MAN2B2: variants seen among roughly 807,000 people sequenced by gnomAD.
The protein encoded by MAN2B2 is mannosidase alpha class 2B member 2, also known as epididymis-specific alpha-mannosidase.
A neutral mutation model predicts 117.1 loss-of-function variants in MAN2B2; 106 were observed. The ratio of observed to expected loss-of-function variants is 0.90; its 90% CI spans 0.77 to 1.06. The LOEUF is 1.06. Among genes scored for constraint, MAN2B2 ranks in the 50% least tolerant of loss-of-function variants. The probability of loss-of-function intolerance (pLI) is 0.00; values close to 1 mark genes in which losing one functional copy is unlikely to be tolerated. For synonymous variants in MAN2B2, 544 were observed against 595.1 expected (o/e 0.91, Z 1.25); for missense variants, 1,326 against 1,381.4 (o/e 0.96, Z 0.64).
chr4:6,584,480 C>T (rs1258019812), intron 3 of MAN2B2, among the ~76,000 whole-genome samples: 1 of 152,200 alleles, frequency 6.6e-6, no homozygotes, highest in African/African-American at 2.4e-5. Context: ...AACAGTGATT[C>T]CTGAATCAGG....
intron 3 of MAN2B2, among the ~76,000 whole-genome samples, chr4:6,578,979 C>CCACCAT (rs1726177348): frequency 6.9e-6 from 1 of 144,700 alleles, no homozygotes; most frequent in South Asian, 2.3e-4. Context: ...ACCACCACCA[C>CCACCAT]GATGACCATC....
rs572374516 is a variant in MAN2B2 at position 6,579,776 on chromosome 4, C to T, written c.391+1278C>T. Among the ~76,000 whole-genome samples the T allele has an allele frequency of 2.0e-5, 3 of 152,340 alleles. No individual in the cohort carries two copies. The South Asian group carries it at 6.2e-4, about 32-fold the overall frequency. ...ATGACCATCTCCCTCACCATTGTGT[C>T]CACTGTCCTCAGCACCATCACCCAC... On this transcript the variant is annotated intron_variant, in intron 3 of 18. Coordinates refer to ENST00000285599, the MANE Select transcript of MAN2B2 (RefSeq NM_015274.3).
chr4:6,594,868 C>T (rs1468847507), intron 7 of MAN2B2, 136 bp downstream of exon 7: 14 of 891,308 alleles, frequency 1.6e-5, no homozygotes, highest in East Asian at 1.3e-4. Context: ...CTGTGTGGGG[C>T]GCAGGGGCAG....
At chr4:6,606,357 G>A (rs1395570796) in intron 11 of MAN2B2, among the ~76,000 whole-genome samples, 2 of 152,248 alleles carry the variant, frequency 1.3e-5, no homozygotes, top group Non-Finnish European at 2.9e-5. Flanking sequence ...AGGGGTGACA[G>A]CAGCCAGCAT....
intron 3 of MAN2B2, among the ~76,000 whole-genome samples, chr4:6,586,275 G>C (rs963865553): frequency 2.0e-5 from 3 of 151,964 alleles, no homozygotes; most frequent in Non-Finnish European, 4.4e-5. Context: ...TGCCCAGGCT[G>C]GTCTCAAACT....
chr4:6,620,454 G>A (rs111321950), intron 18 of MAN2B2: 4,878 of 201,954 alleles, frequency 0.024, 208 homozygotes, highest in African/African-American at 0.1. Flanking sequence ...CTCCCTGTCC[G>A]CACCATGCCC....
rs904592826 is a variant in MAN2B2, at chr4:6,598,446, C to T, written c.1405+92C>T. ...GGGGCTCAACGACCCCAGCTTCAGA[C>T]TCTGAGTCCACATCACCCATATCGC... On this transcript the variant is annotated intron_variant, in intron 9 of 18. Transcript: ENST00000285599. 5.3e-5 allele frequency: 72 copies of T among 1,369,576 alleles called. No individual in the cohort carries two copies. In the African/African-American group the frequency reaches 7.0e-4, roughly 13 times the overall value. The allele number at this position is 1,369,576 out of a possible 1,614,324, so 84.8% of individuals were successfully genotyped here. A position where few individuals can be genotyped will look rare whatever the true frequency, so the allele number is the denominator to read the frequency against.
chr4:6,598,396 G>A (rs1403185812), intron 9 of MAN2B2, 42 bp downstream of exon 9: 25 of 1,588,278 alleles, frequency 1.6e-5, no homozygotes, highest in Non-Finnish European at 2.1e-5. Context: ...CCTTTATGAA[G>A]GGAGAGCCTG....
chr4:6,592,445 C>G lies in MAN2B2; in HGVS notation c.681-728C>G, dbSNP rs149099235. 6.2e-3 allele frequency among the ~76,000 whole-genome samples: 950 copies of G among 152,264 alleles called. 14 individuals carry two copies. The highest frequency in any genetic ancestry group is 0.022 in the African/African-American group (926 of 41,552). ...ACCAGCCTGGGCCACAGAGCAAGACCTCGTCTCTACATAAAATTCAAAAAC... is the reference window on the plus strand; with the variant it reads ...ACCAGCCTGGGCCACAGAGCAAGACGTCGTCTCTACATAAAATTCAAAAAC... On this transcript the variant is annotated intron_variant, in intron 5 of 18. Coordinates refer to ENST00000285599, the MANE Select transcript of MAN2B2 (RefSeq NM_015274.3).
At position 6,576,988 on chromosome 4, in the gene MAN2B2, C is replaced by T. The variant is rs569267093; in HGVS notation, c.285+264C>T. 1.1e-4 allele frequency among the ~76,000 whole-genome samples: 17 copies of T among 152,282 alleles called. No individual in the cohort carries two copies. In the South Asian group the frequency reaches 2.3e-3, roughly 20 times the overall value. On this transcript the variant is annotated intron_variant, in intron 2 of 18. Transcript: ENST00000285599. Reference sequence around the variant, plus strand: ...CTCTGGCAACCCAGCTGTGCACTTCCGTGCCAGCTGGCACTAAGTCAGCAG... The same window carrying T: ...CTCTGGCAACCCAGCTGTGCACTTCTGTGCCAGCTGGCACTAAGTCAGCAG...
chr4:6,579,389 T>C (rs1340524417), intron 3 of MAN2B2, among the ~76,000 whole-genome samples: 55 of 8,268 alleles, frequency 6.7e-3, no homozygotes, highest in East Asian at 0.016. Flanking sequence ...CCACTACCCT[T>C]CACCATCACC....
intron 16 of MAN2B2, among the ~76,000 whole-genome samples, chr4:6,615,011 CT>C: frequency 6.6e-6 from 1 of 152,294 alleles, no homozygotes; most frequent in South Asian, 2.1e-4. Context: ...CCTCTGCCCC[CT>C]CTACACCGTG....
chr4:6,591,791 C>G (rs534884574), intron 5 of MAN2B2, among the ~76,000 whole-genome samples: 1 of 152,078 alleles, frequency 6.6e-6, no homozygotes, highest in African/African-American at 2.4e-5. Flanking sequence ...CAGGACCCCC[C>G]GGGGGCAGAG....
intron 16 of MAN2B2, among the ~76,000 whole-genome samples, chr4:6,616,226 A>C (rs569894487): frequency 1.6e-4 from 24 of 152,126 alleles, no homozygotes; most frequent in Non-Finnish European, 3.1e-4. Context: ...ACCTGTGTTA[A>C]CCAGGTCCTC....
intron 17 of MAN2B2, chr4:6,617,847 GTTTT>G (rs56063851): frequency 1.8e-5 from 3 of 163,424 alleles, no homozygotes; most frequent in South Asian, 1.0e-4. Flanking sequence ...CGATGGCTAA[GTTTT>G]TTTTTTTTTT....
intron 5 of MAN2B2, among the ~76,000 whole-genome samples, chr4:6,592,713 A>C (rs566606512): frequency 3.3e-4 from 51 of 152,324 alleles, no homozygotes; most frequent in African/African-American, 1.2e-3. Flanking sequence ...CAAGGAAGGC[A>C]CTTAACTGGG....
rs1012733311 is a variant in MAN2B2 at position 6,587,203 on chromosome 4, A to T, written c.564+35A>T. 5 of 1,599,184 alleles carry T rather than the reference A, an allele frequency of 3.1e-6. No individual in the cohort carries two copies. The South Asian group carries it at 5.6e-5, about 18-fold the overall frequency. ...GTGCCGCGTCTGCTGCCGCCCAGCG[A>T]CCGCTCCTCCCTTCCTTCCTTGAAT... On this transcript the variant is annotated intron_variant, in intron 4 of 18. Transcript: ENST00000285599.
At chr4:6,614,377 C>T (rs760031521) in intron 16 of MAN2B2, 22 bp downstream of exon 16, 5 of 1,608,606 alleles carry the variant, frequency 3.1e-6, no homozygotes, top group East Asian at 4.5e-5. Flanking sequence ...GCCCTGGCGT[C>T]TCAGACCTGC....
chr4:6,588,905 G>A (rs1577277607), intron 4 of MAN2B2, 140 bp from the exon 5 acceptor site: 3 of 637,172 alleles, frequency 4.7e-6, no homozygotes, highest in South Asian at 3.8e-5. Context: ...AGACGGAAAC[G>A]GCAGGGGAGA....
Sources: gnomAD v4.1 joint callset for allele counts (sites outside exome capture counted in the v4.1 genomes callset) on GRCh38, gnomAD v4.1.1 for gene constraint, MANE v1.5 for transcripts, NCBI Gene and HGNC (gene_info 2026-07-23, HGNC 2026-07-21) for gene names.